The following NF1 variants were observed in gnomAD, a reference collection of about 807,000 sequenced individuals.
NF1 encodes the protein neurofibromin 1.
NF1 carries 122 observed loss-of-function variants against 325.7 expected under a neutral mutation model. The observed-to-expected ratio is 0.37, with a 90% CI of 0.32 to 0.44. The LOEUF (loss-of-function observed/expected upper bound fraction) is 0.44, where lower values mean the gene tolerates loss of function less well. NF1 is among the 20% of genes least tolerant of loss of function. The pLI, the probability that NF1 is intolerant of heterozygous loss-of-function variation, is 1.00. For missense variants in NF1, 2,140 were observed against 3,415.4 expected (o/e 0.63, Z 9.31); for synonymous variants, 1,091 against 1,186.0 (o/e 0.92, Z 1.65).
chr17:31,179,143 A>G (rs1273307233), intron 5 of NF1, among the ~76,000 whole-genome samples: 2 of 152,334 alleles, frequency 1.3e-5, no homozygotes, highest in East Asian at 3.9e-4. Context: ...ATGCCAAAGA[A>G]TGGAAATCAT....
Position 31,260,375 on chromosome 17 carries a change from C to G in NF1, c.4437C>G (p.Phe1479Leu), listed in dbSNP as rs757953485. The change falls in exon 34 of 58, where the codon TTC (phenylalanine) becomes TTG (leucine). Residue 1479 changes from phenylalanine (F) to leucine (L), a missense_variant. By Grantham distance (22) the Phe-to-Leu change is conservative. Coordinates refer to ENST00000358273, the MANE Select transcript of NF1 (RefSeq NM_001042492.3). ...KSNFDAARRF[F>L]LDIASDCPTS... ...TGACTTTGCATTTTTGAAGGTTTTT[C>G]CTTGATATAGCATCTGATTGTCCTA... The G allele has an allele frequency of 1.9e-6, 3 of 1,613,588 alleles. No individual in the cohort carries two copies. Among genetic ancestry groups the G allele is most frequent in the Non-Finnish European group, 1.7e-6 (2 of 1,179,866 alleles).
At chr17:31,289,909 G>A (rs1335801687) in intron 36 of NF1, among the ~76,000 whole-genome samples, 1 of 146,988 alleles carries the variant, frequency 6.8e-6, no homozygotes, top group African/African-American at 2.5e-5. Flanking sequence ...CCCATCGTTG[G>A]TTTTTTTTTT....
At chr17:31,317,329 G>A (rs970723230) in intron 36 of NF1, among the ~76,000 whole-genome samples, 1 of 149,476 alleles carries the variant, frequency 6.7e-6, no homozygotes, top group Non-Finnish European at 1.5e-5. Context: ...TTCTTTAAAG[G>A]TTAAATTATA....
At chr17:31,105,768 C>T (rs1010078252) in intron 1 of NF1, among the ~76,000 whole-genome samples, 1 of 152,164 alleles carries the variant, frequency 6.6e-6, no homozygotes, top group African/African-American at 2.4e-5. Flanking sequence ...CCTGCCTTGG[C>T]CTCCCAAAGT....
At chr17:31,300,613 C>T (rs915526674) in intron 36 of NF1, among the ~76,000 whole-genome samples, 4 of 152,026 alleles carry the variant, frequency 2.6e-5, no homozygotes. Context: ...AGTGAATACC[C>T]TTGTACCTAA....
At chr17:31,257,766 C>T (rs17886340) in intron 31 of NF1, 2 of 151,976 alleles carry the variant, frequency 1.3e-5, no homozygotes, top group Non-Finnish European at 2.9e-5. Context: ...GAAGAAAAGG[C>T]ACTGGCAGTA....
chr17:31,149,909 C>T (rs1250143909), intron 1 of NF1, among the ~76,000 whole-genome samples: 1 of 152,074 alleles, frequency 6.6e-6, no homozygotes, highest in African/African-American at 2.4e-5. Flanking sequence ...TAGTATTGGT[C>T]AGCAAAGTGA....
chr17:31,312,934 A>G (rs1428700207), intron 36 of NF1, among the ~76,000 whole-genome samples: 5 of 152,238 alleles, frequency 3.3e-5, no homozygotes, highest in South Asian at 2.1e-4. Context: ...TGTTTATTCT[A>G]TAGGTTTCTT....
chr17:31,184,245 G>A (rs192063231), intron 8 of NF1, among the ~76,000 whole-genome samples: 148 of 152,264 alleles, frequency 9.7e-4, no homozygotes, highest in African/African-American at 3.3e-3. Context: ...CTAATGAGAG[G>A]CAAGGAGTTT....
At chr17:31,199,952 A>G (rs2063501980) in intron 8 of NF1, among the ~76,000 whole-genome samples, 1 of 152,136 alleles carries the variant, frequency 6.6e-6, no homozygotes, top group Admixed American at 6.5e-5. Context: ...CTTGGCCAAC[A>G]TGGTGAAATC....
intron 47 of NF1, 133 bp from the exon 48 acceptor site, chr17:31,342,876 T>G: frequency 3.6e-6 from 4 of 1,124,538 alleles, no homozygotes; most frequent in Non-Finnish European, 5.3e-6. Context: ...TTTTCTGCAG[T>G]CAACTGAAAA....
At chr17:31,306,174 T>C (rs2068715667) in intron 36 of NF1, among the ~76,000 whole-genome samples, 1 of 152,208 alleles carries the variant, frequency 6.6e-6, no homozygotes, top group South Asian at 2.1e-4. Context: ...GTAATCAGTC[T>C]TCCTTTCATG....
At chr17:31,245,120 C>A (rs2067368708) in intron 29 of NF1, among the ~76,000 whole-genome samples, 1 of 149,556 alleles carries the variant, frequency 6.7e-6, no homozygotes, top group Non-Finnish European at 1.5e-5. Context: ...TATGCTGACT[C>A]AAAAAAAAAA....
chr17:31,261,251 A>T (rs199839126), intron 34 of NF1, among the ~76,000 whole-genome samples: 295 of 137,124 alleles, frequency 2.2e-3, no homozygotes, highest in African/African-American at 5.3e-3. Context: ...CTCAGAAATT[A>T]AAAAAAAAAA....
At chr17:31,100,552 ATTG>A (rs1287741528) in intron 1 of NF1, among the ~76,000 whole-genome samples, 4 of 151,792 alleles carry the variant, frequency 2.6e-5, no homozygotes, top group African/African-American at 7.3e-5. Context: ...ATTTATTATT[ATTG>A]TTATTTTAAA....
At chr17:31,164,694 G>T (rs1023172534) in intron 4 of NF1, among the ~76,000 whole-genome samples, 1 of 151,982 alleles carries the variant, frequency 6.6e-6, no homozygotes, top group Non-Finnish European at 1.5e-5. Context: ...TTTTTTGGGG[G>T]AATTGATTAA....
intron 36 of NF1, among the ~76,000 whole-genome samples, chr17:31,287,644 C>A (rs995782273): frequency 4.0e-5 from 6 of 151,892 alleles, no homozygotes; most frequent in Non-Finnish European, 5.9e-5. Flanking sequence ...ACTGCAACAT[C>A]CGCCTCCTGG....
Position 31,142,841 on chromosome 17 carries a change from T to TGG in NF1, c.61-13140_61-13139dup, listed in dbSNP as rs1916328604. ...GAGATCGCGCCACTGTACTCCAGCC[T>TGG]GGGCGATAGAGCGAGACTCTGTCTC... is the stretch of plus-strand genomic sequence containing the variant. On this transcript the variant is annotated intron_variant, in intron 1 of 57. Coordinates refer to ENST00000358273, the MANE Select transcript of NF1 (RefSeq NM_001042492.3). 2.0e-5 allele frequency among the ~76,000 whole-genome samples: 3 copies of TGG among 151,020 alleles called. No homozygotes were observed. The Admixed American group carries it at 2.0e-4, about 10-fold the overall frequency.
Position 31,308,322 on chromosome 17 carries a change from G to A in NF1, c.4836-17498G>A, listed in dbSNP as rs1219307493. On this transcript the variant is annotated intron_variant, in intron 36 of 57. Transcript: ENST00000358273. ...CACCTGGCTAATTTTTGTATTTTTA[G>A]TAGAGACAGGGTTTCACCATGTTGT... Among the ~76,000 whole-genome samples, 9 of 152,082 alleles carry A rather than the reference G, an allele frequency of 5.9e-5. No individual in the cohort carries two copies. In the South Asian group the frequency reaches 8.3e-4, roughly 14 times the overall value.
Sources: gnomAD v4.1 joint callset for allele counts (sites outside exome capture counted in the v4.1 genomes callset) on GRCh38, gnomAD v4.1.1 for gene constraint, MANE v1.5 for transcripts, NCBI Gene and HGNC (gene_info 2026-07-23, HGNC 2026-07-21) for gene names.